Variants in IFIT3 observed in about 807,000 individuals in gnomAD.
IFIT3 encodes interferon-induced protein with tetratricopeptide repeats 3.
Under a neutral mutation model 2.4 loss-of-function variants are expected in IFIT3, and 2 were observed. That is an observed-to-expected ratio of 0.82 (90% CI 0.34 to 2.60). The LOEUF (loss-of-function observed/expected upper bound fraction) is 2.60. Among genes scored for constraint, IFIT3 ranks in the 30% most tolerant of loss-of-function variants. IFIT3 has a pLI of 0.11. For synonymous variants in IFIT3, 203 were observed against 212.1 expected (o/e 0.96, Z 0.37); for missense variants, 481 against 562.4 (o/e 0.86, Z 1.46).
intron 1 of IFIT3, among the ~76,000 whole-genome samples, chr10:89,329,464 AG>A (rs960784777): frequency 6.6e-6 from 1 of 152,076 alleles, no homozygotes; most frequent in African/African-American, 2.4e-5. Flanking sequence ...AGGAGGTCTG[AG>A]GGGGGCTCTC....
intron 1 of IFIT3, among the ~76,000 whole-genome samples, chr10:89,336,937 T>C (rs1843751376): frequency 6.6e-6 from 1 of 152,226 alleles, no homozygotes; most frequent in African/African-American, 2.4e-5. Flanking sequence ...GGAACACACT[T>C]AGAGAACTCT....
chr10:89,332,877 G>C (rs1241092403), intron 1 of IFIT3, among the ~76,000 whole-genome samples: 1 of 152,238 alleles, frequency 6.6e-6, no homozygotes, highest in Non-Finnish European at 1.5e-5. Flanking sequence ...ATCCTAGAGA[G>C]CCCATGCTCA....
At position 89,339,754 on chromosome 10, in the gene IFIT3, C is replaced by G. The variant is rs754776192; in HGVS notation, c.1099C>G (p.Leu367Val). ...ACAATCCCATCAGCGCTACTGCAAC[C>G]TTCAGAAATATAATGGGAAGTCTGA... ...KQQSHQRYCN[L>V]QKYNGKSEDT... Residue 367 changes from leucine (L) to valine (V), a missense_variant, in exon 2 of 2, where the codon CTT becomes GTT. By Grantham distance (32) the Leu-to-Val change is conservative. Coordinates refer to ENST00000371818, the MANE Select transcript of IFIT3 (RefSeq NM_001549.6). 57 of 1,614,066 alleles carry G rather than the reference C, an allele frequency of 3.5e-5. No individual in the cohort carries two copies. Among genetic ancestry groups the G allele is most frequent in the Non-Finnish European group, 4.7e-5 (56 of 1,180,034 alleles).
Position 89,334,478 on chromosome 10 carries a change from C to CTTTTTTTTT in IFIT3, c.6-4156_6-4148dup, listed in dbSNP as rs578154457. Among the ~76,000 whole-genome samples the CTTTTTTTTT allele has an allele frequency of 3.4e-3, 87 of 25,336 alleles. 3 individuals carry two copies. The highest frequency in any genetic ancestry group is 4.1e-3 in the Non-Finnish European group (59 of 14,418). 16.6% of individuals were successfully genotyped at this position (25,336 alleles called of 152,430 possible). ...TGTTTTTTCTTCTTTTTCTTTTATT[C>CTTTTTTTTT]TTTTTTTTTTTTTTTTTTTTTTTTT... On this transcript the variant is annotated intron_variant, in intron 1 of 1. Coordinates refer to ENST00000371818, the MANE Select transcript of IFIT3 (RefSeq NM_001549.6).
At position 89,339,008 on chromosome 10, in the gene IFIT3, A is replaced by C. The variant is rs1843798306; in HGVS notation, c.353A>C (p.Asp118Ala). 1 of 1,614,080 alleles carries C rather than the reference A, an allele frequency of 6.2e-7. No homozygotes were observed. The highest frequency in any genetic ancestry group is 8.5e-7 in the Non-Finnish European group (1 of 1,180,028). The change falls in exon 2 of 2, where the codon GAT (aspartate) becomes GCT (alanine). Residue 118 changes from aspartate (D) to alanine (A), a missense_variant. Coordinates refer to ENST00000371818, the MANE Select transcript of IFIT3 (RefSeq NM_001549.6). ...GRLSDAQIYV[D>A]KVKQTCKKFS... The stretch of plus-strand genomic sequence containing the variant: ...CTCTCAGATGCTCAGATTTATGTAG[A>C]TAAGGTGAAACAAACCTGCAAGAAA...
chr10:89,338,717 C>T lies in IFIT3; in HGVS notation c.62C>T (p.Thr21Ile), dbSNP rs1415010632. 6.2e-7 allele frequency: 1 copy of T among 1,613,512 alleles called. No homozygotes were observed. The highest frequency in any genetic ancestry group is 8.5e-7 in the Non-Finnish European group (1 of 1,179,524). ...KILPQLKCHF[T>I]WNLFKEDSVS... Reference sequence around the variant, plus strand: ...CTTCCACAGCTGAAATGCCATTTCACCTGGAACTTATTCAAGGAAGACAGT... The same window carrying T: ...CTTCCACAGCTGAAATGCCATTTCATCTGGAACTTATTCAAGGAAGACAGT... The change falls in exon 2 of 2, where the codon ACC becomes ATC. Residue 21 changes from threonine to isoleucine, a missense_variant. Physicochemically the swap from Thr to Ile is moderately conservative, Grantham distance 89. Transcript: ENST00000371818.
chr10:89,333,790 C>T (rs1481450252), intron 1 of IFIT3, among the ~76,000 whole-genome samples: 2 of 152,242 alleles, frequency 1.3e-5, no homozygotes, highest in African/African-American at 2.4e-5. Flanking sequence ...TTGCTGCTCA[C>T]AGTGTGGTCT....
At chr10:89,328,932 T>C (rs1430392953) in intron 1 of IFIT3, among the ~76,000 whole-genome samples, 3 of 152,188 alleles carry the variant, frequency 2.0e-5, no homozygotes, top group Non-Finnish European at 4.4e-5. Flanking sequence ...TGGCTACATA[T>C]GCATAAACAT....
At position 89,338,832 on chromosome 10, in the gene IFIT3, C is replaced by T. The variant is rs746070414; in HGVS notation, c.177C>T (p.Tyr59=). The change falls in exon 2 of 2, where the codon TAC becomes TAT. Residue 59 remains tyrosine, a synonymous_variant. Coordinates refer to ENST00000371818, the MANE Select transcript of IFIT3 (RefSeq NM_001549.6). ...CTACAATGTACAACTTGTTGGCCTACATAAAACACCTAGATGGTAACAACG... is the reference window on the plus strand; with the variant it reads ...CTACAATGTACAACTTGTTGGCCTATATAAAACACCTAGATGGTAACAACG... ...FKATMYNLLA[Y]IKHLDGNNEA... is the part of the protein sequence containing the mutation. 1 of 1,614,132 alleles carries T rather than the reference C, an allele frequency of 6.2e-7. No individual in the cohort carries two copies. Among genetic ancestry groups the T allele is most frequent in the South Asian group, 1.1e-5 (1 of 91,078 alleles).
intron 1 of IFIT3, among the ~76,000 whole-genome samples, chr10:89,337,361 A>C (rs187646403): frequency 7.5e-4 from 114 of 152,330 alleles, no homozygotes; most frequent in Non-Finnish European, 1.3e-3. Context: ...CAGAATGTAC[A>C]AGGAATGAGA....
intron 1 of IFIT3, among the ~76,000 whole-genome samples, chr10:89,337,324 T>C (rs1179482134): frequency 6.6e-6 from 1 of 152,034 alleles, no homozygotes; most frequent in African/African-American, 2.4e-5. Flanking sequence ...CAATAAAGAG[T>C]CATGGGATAG....
chr10:89,328,349 T>C (rs1306835152), intron 1 of IFIT3, among the ~76,000 whole-genome samples: 1 of 152,194 alleles, frequency 6.6e-6, no homozygotes, highest in East Asian at 1.9e-4. Context: ...GTTTCCTCCC[T>C]GTGTGCAGCT....
At chr10:89,338,579 C>A in intron 1 of IFIT3, 82 bp from the exon 2 acceptor site, 1 of 1,332,946 alleles carries the variant, frequency 7.5e-7, no homozygotes, top group South Asian at 1.4e-5. Context: ...TGGCCCAGTT[C>A]AATTGACATA....
rs1212860714 is a variant in IFIT3 at position 89,338,679 on chromosome 10, C to T, written c.24C>T (p.Ser8=). 1 of 1,612,480 alleles carries T rather than the reference C, an allele frequency of 6.2e-7. No homozygotes were observed. The highest frequency in any genetic ancestry group is 8.5e-7 in the Non-Finnish European group (1 of 1,178,882). The change falls in exon 2 of 2, where the codon TCC becomes TCT. Residue 8 remains serine (S), a synonymous_variant. Coordinates refer to ENST00000371818, the MANE Select transcript of IFIT3 (RefSeq NM_001549.6). MSEVTKN[S]LEKILPQLKC... is the part of the protein sequence containing the mutation. ...TCCACAGTGAGGTCACCAAGAATTC[C>T]CTGGAGAAAATCCTTCCACAGCTGA... is the stretch of plus-strand genomic sequence containing the variant.
chr10:89,328,332 A>C (rs1036715570), intron 1 of IFIT3, among the ~76,000 whole-genome samples: 2 of 152,148 alleles, frequency 1.3e-5, no homozygotes, highest in African/African-American at 4.8e-5. Context: ...GGAATGCATC[A>C]GCTCATGTTT....
chr10:89,329,783 G>A (rs1843632356), intron 1 of IFIT3, among the ~76,000 whole-genome samples: 1 of 152,184 alleles, frequency 6.6e-6, no homozygotes, highest in South Asian at 2.1e-4. Context: ...GCAAGTCCGT[G>A]TGAAGAGACC....
At position 89,339,372 on chromosome 10, in the gene IFIT3, C is replaced by A. The variant is rs199752226; in HGVS notation, c.717C>A (p.Cys239Ter). 46 of 1,613,894 alleles carry A rather than the reference C, an allele frequency of 2.9e-5. No homozygotes were observed. In the East Asian group the frequency reaches 1.0e-3, roughly 35 times the overall value. Residue 239 changes from cysteine to a stop codon, truncating the protein, a stop_gained, in exon 2 of 2, where the codon TGC (cysteine) becomes TGA (stop). Transcript: ENST00000371818. LOFTEE classifies it low-confidence loss of function (END_TRUNC). Reference protein sequence around the residue: ...FVEEALEKSPCQTDVLRSAAK... With the variant: ...FVEEALEKSP ...AAGAAGCCTTGGAAAAGTCTCCTTG[C>A]CAAACAGATGTCCTCCGCAGTGCAG...
rs150635335 is a variant in IFIT3 at position 89,339,093 on chromosome 10, A to G, written c.438A>G (p.Gln146=). The change falls in exon 2 of 2, where the codon CAA becomes CAG. Residue 146 remains glutamine (Q), a synonymous_variant. Coordinates refer to ENST00000371818, the MANE Select transcript of IFIT3 (RefSeq NM_001549.6). ...TTGACTGTGAGGAAGGGTGGACACA[A>G]CTGAAGTGTGGAAGAAATGAAAGGG... ...SELDCEEGWT[Q]LKCGRNERAK... The G allele has an allele frequency of 1.3e-4, 211 of 1,614,128 alleles. 1 individual carries two copies. The African/African-American group carries it at 2.3e-3, about 18-fold the overall frequency.
In IFIT3 at chr10:89,340,004, C is replaced by T. The variant is rs749497950; in HGVS notation, c.1349C>T (p.Pro450Leu). ...KELGRLLRDA[P>L]SGIGSIFLSA... ...CTGGGCCGCCTGCTAAGGGATGCCC[C>T]TTCAGGCATAGGCAGTATTTTCCTG... Residue 450 changes from proline to leucine, a missense_variant, in exon 2 of 2, where the codon CCT (proline) becomes CTT (leucine). Transcript: ENST00000371818. 3 of 1,614,180 alleles carry T rather than the reference C, an allele frequency of 1.9e-6. No homozygotes were observed. The highest frequency in any genetic ancestry group is 1.3e-5 in the African/African-American group (1 of 75,056).
Sources: allele counts gnomAD v4.1 joint callset (sites outside exome capture counted in the v4.1 genomes callset), GRCh38; gene constraint gnomAD v4.1.1; transcripts MANE v1.5; gene names NCBI Gene and HGNC (gene_info 2026-07-23, HGNC 2026-07-21).